The following CDK19 variants were observed in gnomAD, a reference collection of about 807,000 sequenced individuals.
The protein encoded by CDK19 is cyclin-dependent kinase 19.
A neutral mutation model predicts 68.3 loss-of-function variants in CDK19; 20 were observed. The observed-to-expected ratio is 0.29, with a 90% CI of 0.21 to 0.43. The LOEUF is 0.43. Ranked by LOEUF, CDK19 falls within the 20% of genes least tolerant of loss-of-function variation. The pLI is 1.00. For missense variants in CDK19, 339 were observed against 623.5 expected (o/e 0.54, Z 4.86); for synonymous variants, 221 against 222.8 (o/e 0.99, Z 0.07).
chr6:110,810,711 T>G (rs1583155582), intron 1 of CDK19, among the ~76,000 whole-genome samples: 1 of 150,992 alleles, frequency 6.6e-6, no homozygotes, highest in South Asian at 2.1e-4. Flanking sequence ...GAGGCGGAGG[T>G]TGCAGTGAGC....
At chr6:110,803,143 C>T (rs1257230247) in intron 1 of CDK19, among the ~76,000 whole-genome samples, 1 of 152,010 alleles carries the variant, frequency 6.6e-6, no homozygotes, top group Non-Finnish European at 1.5e-5. Context: ...GCAGTGGTGC[C>T]ATCTCGGCTC....
At chr6:110,705,292 G>A (rs1255867869) in intron 2 of CDK19, among the ~76,000 whole-genome samples, 1 of 152,032 alleles carries the variant, frequency 6.6e-6, no homozygotes. Context: ...CACCTGCCTC[G>A]GCCTCCGTAA....
At chr6:110,649,464 T>C (rs1780832957) in intron 4 of CDK19, among the ~76,000 whole-genome samples, 1 of 152,126 alleles carries the variant, frequency 6.6e-6, no homozygotes, top group South Asian at 2.1e-4. Flanking sequence ...GAAGAATTTC[T>C]TAAACAAGAT....
At chr6:110,623,892 T>TAC in intron 8 of CDK19, among the ~76,000 whole-genome samples, 6 of 46,536 alleles carry the variant, frequency 1.3e-4, no homozygotes, top group Admixed American at 2.4e-4. Context: ...TATATATATG[T>TAC]GTGTGTATAT....
intron 2 of CDK19, among the ~76,000 whole-genome samples, chr6:110,671,513 T>C (rs1771011287): frequency 6.6e-6 from 1 of 152,176 alleles, no homozygotes; most frequent in Non-Finnish European, 1.5e-5. Flanking sequence ...TATACAAATG[T>C]TTTTCTCTCA....
intron 1 of CDK19, among the ~76,000 whole-genome samples, chr6:110,783,890 T>C (rs929099450): frequency 6.6e-6 from 1 of 151,934 alleles, no homozygotes; most frequent in Non-Finnish European, 1.5e-5. Context: ...CTGGGCACGG[T>C]GGCTCACGCC....
At chr6:110,654,422 T>C (rs12332981) in intron 4 of CDK19, among the ~76,000 whole-genome samples, 1,721 of 152,352 alleles carry the variant, frequency 0.011, 42 homozygotes, top group African/African-American at 0.039. Context: ...ATTTAAAATA[T>C]GGAGAATCTG....
At chr6:110,782,804 C>CT (rs1780916211) in intron 1 of CDK19, among the ~76,000 whole-genome samples, 1 of 152,210 alleles carries the variant, frequency 6.6e-6, no homozygotes, top group East Asian at 1.9e-4. Flanking sequence ...CATGCTCTCC[C>CT]TCTCTCTCAA....
At chr6:110,811,879 G>A (rs1783127496) in intron 1 of CDK19, among the ~76,000 whole-genome samples, 3 of 145,250 alleles carry the variant, frequency 2.1e-5, no homozygotes, top group South Asian at 2.1e-4. Flanking sequence ...CTTTTAAACC[G>A]GATTTTTTTT....
chr6:110,811,699 T>C (rs1489868058), intron 1 of CDK19, among the ~76,000 whole-genome samples: 1 of 152,192 alleles, frequency 6.6e-6, no homozygotes, highest in Non-Finnish European at 1.5e-5. Flanking sequence ...CTTGCTTGTA[T>C]TAAAAAGTTC....
intron 2 of CDK19, among the ~76,000 whole-genome samples, chr6:110,725,309 A>C (rs1427992685): frequency 6.6e-6 from 1 of 152,104 alleles, no homozygotes; most frequent in Non-Finnish European, 1.5e-5. Flanking sequence ...AAATTTAGTG[A>C]GAGAGAACTA....
chr6:110,789,936 T>C (rs1190688036), intron 1 of CDK19, among the ~76,000 whole-genome samples: 2 of 152,230 alleles, frequency 1.3e-5, no homozygotes, highest in Non-Finnish European at 2.9e-5. Context: ...CAAGTGGACC[T>C]GCACAGTTCA....
intron 1 of CDK19, among the ~76,000 whole-genome samples, chr6:110,809,497 T>A (rs1782920600): frequency 6.6e-6 from 1 of 151,998 alleles, no homozygotes; most frequent in South Asian, 2.1e-4. Flanking sequence ...CCAGCCTTGG[T>A]GATAGAGTGA....
At chr6:110,630,594 C>G (rs1422672090) in intron 6 of CDK19, among the ~76,000 whole-genome samples, 1 of 152,202 alleles carries the variant, frequency 6.6e-6, no homozygotes, top group Non-Finnish European at 1.5e-5. Flanking sequence ...CAGGGCCACT[C>G]CATCCCTTCC....
At position 110,799,773 on chromosome 6, in the gene CDK19, T is replaced by C. The variant is rs9372267; in HGVS notation, c.128+15236A>G. Among the ~76,000 whole-genome samples the C allele has an allele frequency of 9.2e-5, 14 of 152,232 alleles. No homozygotes were observed. In the East Asian group the frequency reaches 2.7e-3, roughly 29 times the overall value. ...CCACTATACCCAGCTAGTTTTTTTG[T>C]TTACTTTTTTGTAGAGACGAAGTCT... is the stretch of plus-strand genomic sequence containing the variant. On this transcript the variant is annotated intron_variant, in intron 1 of 12. Coordinates refer to ENST00000368911, the MANE Select transcript of CDK19 (RefSeq NM_015076.5).
At chr6:110,790,886 C>A (rs550932796) in intron 1 of CDK19, among the ~76,000 whole-genome samples, 1 of 151,812 alleles carries the variant, frequency 6.6e-6, no homozygotes. Context: ...AAATGTAGAA[C>A]AAGGGCCGGG....
chr6:110,623,412 A>T (rs759037158), intron 8 of CDK19, 50 bp from the exon 9 acceptor site: 1 of 1,585,072 alleles, frequency 6.3e-7, no homozygotes, highest in South Asian at 1.1e-5. Flanking sequence ...CATCCAATTG[A>T]TATTTCTTAA....
intron 5 of CDK19, among the ~76,000 whole-genome samples, chr6:110,635,113 C>T (rs1234179627): frequency 6.6e-6 from 1 of 152,126 alleles, no homozygotes; most frequent in African/African-American, 2.4e-5. Flanking sequence ...TAGTAAAATT[C>T]TGGTGTGAGT....
chr6:110,737,360 C>T (rs766930767), intron 2 of CDK19, among the ~76,000 whole-genome samples: 6 of 152,222 alleles, frequency 3.9e-5, no homozygotes, highest in Admixed American at 6.5e-5. Context: ...TATGGCCCAC[C>T]TCTTTTCTAT....
Sources: allele counts gnomAD v4.1 joint callset (sites outside exome capture counted in the v4.1 genomes callset), GRCh38; gene constraint gnomAD v4.1.1; transcripts MANE v1.5; gene names NCBI Gene and HGNC (gene_info 2026-07-23, HGNC 2026-07-21).